Variants in BICD1 observed in about 807,000 individuals in gnomAD.
BICD1 encodes protein bicaudal D homolog 1.
BICD1 carries 35 observed loss-of-function variants against 92.5 expected under a neutral mutation model. That is an observed-to-expected ratio of 0.38 (90% CI 0.29 to 0.50). BICD1 has a LOEUF of 0.50. Among genes scored for constraint, BICD1 ranks in the 20% least tolerant of loss-of-function variants. The pLI, the probability that BICD1 is intolerant of heterozygous loss-of-function variation, is 0.93. For missense variants in BICD1, 950 were observed against 1,189.8 expected (o/e 0.80, Z 2.97); for synonymous variants, 429 against 465.1 (o/e 0.92, Z 1.00).
At chr12:32,223,155 A>G (rs528850216) in intron 2 of BICD1, among the ~76,000 whole-genome samples, 3 of 152,298 alleles carry the variant, frequency 2.0e-5, no homozygotes, top group African/African-American at 4.8e-5. Context: ...CTTCGACCTC[A>G]TAAACTAACC....
At chr12:32,338,625 C>T (rs1938227664) in intron 7 of BICD1, 161 bp from the exon 8 acceptor site, 2 of 589,028 alleles carry the variant, frequency 3.4e-6, no homozygotes, top group Non-Finnish European at 5.5e-6. Context: ...GGGTTGTATC[C>T]TGATGTGGAA....
chr12:32,247,809 G>A (rs1045907640), intron 2 of BICD1, among the ~76,000 whole-genome samples: 1 of 149,704 alleles, frequency 6.7e-6, no homozygotes, highest in African/African-American at 2.5e-5. Flanking sequence ...AGAAGACTGA[G>A]TGTGATGGCT....
At chr12:32,208,297 G>A (rs1181721757) in intron 1 of BICD1, among the ~76,000 whole-genome samples, 1 of 152,166 alleles carries the variant, frequency 6.6e-6, no homozygotes, top group Non-Finnish European at 1.5e-5. Context: ...ATAGCCAACA[G>A]TCATTGAGTA....
intron 3 of BICD1, among the ~76,000 whole-genome samples, chr12:32,294,863 C>T (rs1157576950): frequency 6.6e-6 from 1 of 151,734 alleles, no homozygotes; most frequent in Non-Finnish European, 1.5e-5. Context: ...GGGTGGATCA[C>T]CTGAGGTCAG....
intron 1 of BICD1, chr12:32,109,329 G>A (rs1056063535): frequency 6.6e-6 from 1 of 152,030 alleles, no homozygotes; most frequent in Non-Finnish European, 1.5e-5. Context: ...TTTATCAAGG[G>A]TTCACTAGTC....
intron 2 of BICD1, among the ~76,000 whole-genome samples, chr12:32,259,380 T>G (rs1287039563): frequency 6.6e-6 from 1 of 152,234 alleles, no homozygotes; most frequent in Non-Finnish European, 1.5e-5. Flanking sequence ...GAAAAATTAC[T>G]TAATAAGATT....
At chr12:32,142,017 A>G (rs1942937570) in intron 1 of BICD1, among the ~76,000 whole-genome samples, 2 of 152,176 alleles carry the variant, frequency 1.3e-5, no homozygotes, top group South Asian at 4.1e-4. Flanking sequence ...CATTTTGCTG[A>G]ACAAAACAGG....
At chr12:32,144,493 T>C (rs192696422) in intron 1 of BICD1, among the ~76,000 whole-genome samples, 2 of 152,332 alleles carry the variant, frequency 1.3e-5, no homozygotes, top group Admixed American at 6.5e-5. Context: ...ATGTCAAAGA[T>C]TATGGTTTAA....
At position 32,379,703 on chromosome 12, in the gene BICD1, GAGA is replaced by G. The variant is rs1387971168; in HGVS notation, c.*2079_*2081del. On this transcript the variant is annotated 3_prime_UTR_variant, in exon 10 of 10. Transcript: ENST00000652176. The stretch of plus-strand genomic sequence containing the variant: ...TCTCAAGCACCACGTATTTGGACCT[GAGA>G]AGTGGCATAGCTGCTAAGTTGACTT... The G allele has an allele frequency of 2.0e-5, 3 of 152,198 alleles. No homozygotes were observed. Among genetic ancestry groups the G allele is most frequent in the African/African-American group, 7.2e-5 (3 of 41,448 alleles). The allele number at this position is 152,198 out of a possible 1,614,324, so 9.4% of individuals were successfully genotyped here.
chr12:32,348,500 A>C (rs558825121), intron 8 of BICD1, among the ~76,000 whole-genome samples: 3 of 151,948 alleles, frequency 2.0e-5, no homozygotes, highest in Non-Finnish European at 4.4e-5. Context: ...CTTAATTGTT[A>C]CATATTTAAG....
chr12:32,310,089 C>A (rs1948334869), intron 4 of BICD1, among the ~76,000 whole-genome samples: 1 of 152,198 alleles, frequency 6.6e-6, no homozygotes, highest in Admixed American at 6.5e-5. Context: ...ACTCCCTGAA[C>A]CAGGTGATAT....
intron 1 of BICD1, among the ~76,000 whole-genome samples, chr12:32,184,326 C>T (rs960135120): frequency 1.3e-5 from 2 of 152,056 alleles, no homozygotes; most frequent in African/African-American, 4.8e-5. Context: ...CTTGCTCTGT[C>T]GCCAGGCTGG....
At chr12:32,186,168 C>T (rs1323947348) in intron 1 of BICD1, among the ~76,000 whole-genome samples, 2 of 152,132 alleles carry the variant, frequency 1.3e-5, no homozygotes, top group Admixed American at 6.5e-5. Context: ...TGTGGCTCTT[C>T]GTTACTGTGT....
intron 4 of BICD1, among the ~76,000 whole-genome samples, chr12:32,306,362 G>GT (rs1192397183): frequency 2.0e-5 from 3 of 152,020 alleles, no homozygotes; most frequent in Non-Finnish European, 4.4e-5. Context: ...TCCTGCCTCA[G>GT]CCTCCCGAGT....
At chr12:32,257,211 C>CAAAAAAAA (rs35294412) in intron 2 of BICD1, among the ~76,000 whole-genome samples, 86 of 78,226 alleles carry the variant, frequency 1.1e-3, no homozygotes, top group East Asian at 5.2e-3. Flanking sequence ...GACTCTGTCT[C>CAAAAAAAA]AAAAAAAAAA....
intron 1 of BICD1, among the ~76,000 whole-genome samples, chr12:32,208,003 T>C (rs931515920): frequency 5.3e-5 from 8 of 152,218 alleles, no homozygotes; most frequent in African/African-American, 1.9e-4. Context: ...CTTTCCAAGG[T>C]CAGAAGAGAG....
At chr12:32,308,748 C>G (rs1555166654) in intron 4 of BICD1, among the ~76,000 whole-genome samples, 1 of 152,102 alleles carries the variant, frequency 6.6e-6, no homozygotes, top group Non-Finnish European at 1.5e-5. Context: ...GTGAGAAAAA[C>G]TTTGCTGGAT....
intron 1 of BICD1, among the ~76,000 whole-genome samples, chr12:32,164,068 G>C (rs779323204): frequency 1.3e-5 from 2 of 152,096 alleles, no homozygotes; most frequent in East Asian, 3.9e-4. Context: ...TCCATCTCCC[G>C]TGTGTTTCCT....
chr12:32,161,129 A>G (rs1273264369), intron 1 of BICD1, among the ~76,000 whole-genome samples: 2 of 152,202 alleles, frequency 1.3e-5, no homozygotes, highest in Non-Finnish European at 1.5e-5. Context: ...CCTAAATGCA[A>G]TCTTTAACAT....
Sources: gnomAD v4.1 joint callset for allele counts (sites outside exome capture counted in the v4.1 genomes callset) on GRCh38, gnomAD v4.1.1 for gene constraint, MANE v1.5 for transcripts, NCBI Gene and HGNC (gene_info 2026-07-23, HGNC 2026-07-21) for gene names.